Variants in GLRX2 observed in about 807,000 individuals in gnomAD.
GLRX2 encodes bA101E13.1 (GRX2 glutaredoxin (thioltransferase) 2).
GLRX2 carries 12 observed loss-of-function variants against 16.4 expected under a neutral mutation model. That is an observed-to-expected ratio of 0.73 (90% confidence interval 0.47 to 1.19). The LOEUF (loss-of-function observed/expected upper bound fraction) is 1.19. Ranked by LOEUF, GLRX2 falls within the 50% of genes most tolerant of loss-of-function variation. The probability of loss-of-function intolerance (pLI) is 0.00; values close to 1 mark genes in which losing one functional copy is unlikely to be tolerated. For missense variants in GLRX2, 201 were observed against 201.8 expected, an observed-to-expected ratio of 1.00 and a Z score of 0.02; for synonymous variants, 95 against 76.2, an observed-to-expected ratio of 1.25 and a Z score of -1.28.
At chr1:193,105,514 C>G (rs1474869312), upstream of GLRX2, 4 of 1,533,648 alleles carry the variant, frequency 2.6e-6, no homozygotes, top group Non-Finnish European at 3.5e-6. Context: ...CGCCGCCGGT[C>G]ACCTCCTCGC....
rs1039964795 is a variant in GLRX2 at position 193,101,043 on chromosome 1, T to A, written c.183+98A>T. 5.1e-6 allele frequency: 4 copies of A among 786,614 alleles called. No individual in the cohort carries two copies. The African/African-American group carries it at 5.2e-5, about 10-fold the overall frequency. The allele number at this position is 786,614 out of a possible 1,614,324, so 48.7% of individuals were successfully genotyped here. On this transcript the variant is annotated intron_variant, in intron 2 of 3. Transcript: ENST00000367439. ...TAATCTCTTAATTCATTTGCTAAAC[T>A]ATCTCAAGTTTGGATATTGAATAAG...
At chr1:193,099,654 G>A (rs977076713) in intron 2 of GLRX2, among the ~76,000 whole-genome samples, 1 of 151,954 alleles carries the variant, frequency 6.6e-6, no homozygotes, top group Admixed American at 6.6e-5. Context: ...CTTTTGTGGT[G>A]GATCATAAGC....
At chr1:193,101,908 T>TAA (rs879288292) in intron 1 of GLRX2, among the ~76,000 whole-genome samples, 5 of 145,800 alleles carry the variant, frequency 3.4e-5, no homozygotes, top group African/African-American at 1.0e-4. Flanking sequence ...AAATTATCAC[T>TAA]AAAAAAAAAA....
At chr1:193,104,356 G>C (rs1675140658) in intron 1 of GLRX2, among the ~76,000 whole-genome samples, 1 of 152,174 alleles carries the variant, frequency 6.6e-6, no homozygotes, top group African/African-American at 2.4e-5. Context: ...CCTACTGTGT[G>C]CTAAGTAGGC....
At chr1:193,104,436 T>A (rs10801174) in intron 1 of GLRX2, among the ~76,000 whole-genome samples, 92,791 of 152,064 alleles carry the variant, frequency 0.61, 29,035 homozygotes, top group South Asian at 0.77. Context: ...TGTCAAACAC[T>A]TAACAGCCTG....
chr1:193,103,992 A>G (rs1222865295), intron 1 of GLRX2, among the ~76,000 whole-genome samples: 1 of 152,198 alleles, frequency 6.6e-6, no homozygotes, highest in African/African-American at 2.4e-5. Context: ...CATTGGTGGA[A>G]TAAATCAGCA....
chr1:193,103,661 G>C (rs1322126261), intron 1 of GLRX2, among the ~76,000 whole-genome samples: 1 of 152,156 alleles, frequency 6.6e-6, no homozygotes, highest in Non-Finnish European at 1.5e-5. Flanking sequence ...AGCTCACCTA[G>C]AGTGAGGAAG....
At chr1:193,105,111 A>G in intron 1 of GLRX2, 153 bp downstream of exon 1, 2 of 821,694 alleles carry the variant, frequency 2.4e-6, no homozygotes. Flanking sequence ...CCATCCCTCG[A>G]GCGCCTCTGC....
rs201759474 is a variant in GLRX2, at chr1:193,105,354, C to G, written c.29G>C (p.Gly10Ala). 4.3e-4 allele frequency: 668 copies of G among 1,547,892 alleles called. 3 individuals are homozygous for G. The African/African-American group carries it at 8.2e-3, about 19-fold the overall frequency. MIWRRAALA[G>A]TRLVWSRSGS... The stretch of plus-strand genomic sequence containing the variant: ...GCTCCTGCTCCAAACCAGCCGCGTC[C>G]CCGCCAGCGCCGCGCGGCGCCAAAT... Residue 10 changes from glycine to alanine, a missense_variant, in exon 1 of 4, where the codon GGG (glycine) becomes GCG (alanine). Gly to Ala is a moderately conservative substitution (Grantham distance 60). Transcript: ENST00000367439.
chr1:193,105,184 C>T, intron 1 of GLRX2, 80 bp downstream of exon 1: 6 of 1,447,872 alleles, frequency 4.1e-6, no homozygotes, highest in South Asian at 1.4e-5. Context: ...GGCAAAGGGG[C>T]ACCTCCGCCC....
upstream of GLRX2, chr1:193,105,710 C>A: frequency 6.7e-7 from 1 of 1,491,284 alleles, no homozygotes; most frequent in South Asian, 1.3e-5. Flanking sequence ...GGAAGCAGTG[C>A]ATGAGGATGG....
chr1:193,105,534 C>G, upstream of GLRX2: 1 of 1,572,668 alleles, frequency 6.4e-7, no homozygotes, highest in Non-Finnish European at 8.6e-7. Flanking sequence ...CAGCTGAGCG[C>G]GTCCTCCCAG....
chr1:193,100,465 C>T (rs1219715997), intron 2 of GLRX2, among the ~76,000 whole-genome samples: 4 of 152,154 alleles, frequency 2.6e-5, no homozygotes, highest in South Asian at 2.1e-4. Flanking sequence ...CAGAGCGAGA[C>T]GCTGCCTCAA....
intron 1 of GLRX2, 111 bp downstream of exon 1, chr1:193,105,153 G>C (rs928928062): frequency 9.3e-6 from 13 of 1,398,506 alleles, no homozygotes; most frequent in African/African-American, 1.5e-5. Flanking sequence ...GCGCTAGTAC[G>C]CCTCGCCCAC....
rs1259486218 is a variant in GLRX2, at chr1:193,105,331, T to C, written c.52A>G (p.Ser18Gly). The C allele has an allele frequency of 6.5e-7, 1 of 1,547,328 alleles. No homozygotes were observed. Among genetic ancestry groups the C allele is most frequent in the Non-Finnish European group, 8.6e-7 (1 of 1,156,654 alleles). Residue 18 changes from serine to glycine, a missense_variant, in exon 1 of 4, where the codon AGC (serine) becomes GGC (glycine). Transcript: ENST00000367439. ...LAGTRLVWSR[S>G]GSAGWLDRAA... ...CTGTCAAGCCAGCCTGCCGAGCCGCTCCTGCTCCAAACCAGCCGCGTCCCC... is the reference window on the plus strand; with the variant it reads ...CTGTCAAGCCAGCCTGCCGAGCCGCCCCTGCTCCAAACCAGCCGCGTCCCC...
chr1:193,106,088 C>A (rs1029613124), upstream of GLRX2: 7 of 967,042 alleles, frequency 7.2e-6, no homozygotes, highest in Non-Finnish European at 6.2e-6. Context: ...ATTATTTAAG[C>A]CACTCAGTGG....
At position 193,097,767 on chromosome 1, in the gene GLRX2, TAAAAC is replaced by T. The variant is rs1674989583; in HGVS notation, c.184-12_184-8del. 1 of 1,557,662 alleles carries T rather than the reference TAAAAC, an allele frequency of 6.4e-7. No homozygotes were observed. The highest frequency in any genetic ancestry group is 1.2e-5 in the South Asian group (1 of 83,950). On this transcript the variant is annotated splice_region_variant and splice_polypyrimidine_tract_variant and intron_variant, in intron 2 of 3. Coordinates refer to ENST00000367439, the MANE Select transcript of GLRX2 (RefSeq NM_197962.3). Reference sequence around the variant, plus strand: ...AATTATCAGAAATTGTTTCCTGAAATAAAACCACAAAAAATCATTTTAATTCTAGA... The same window carrying T: ...AATTATCAGAAATTGTTTCCTGAAATCACAAAAAATCATTTTAATTCTAGA...
rs554055394 is a variant in GLRX2 at position 193,097,523 on chromosome 1, C to T, written c.360+61G>A. 249 of 1,319,764 alleles carry T rather than the reference C, an allele frequency of 1.9e-4. 1 individual carries two copies. Among genetic ancestry groups the T allele is most frequent in the Admixed American group, 8.1e-4 (31 of 38,404 alleles). 81.8% of individuals were successfully genotyped at this position (1,319,764 alleles called of 1,614,324 possible). On this transcript the variant is annotated intron_variant, in intron 3 of 3. Coordinates refer to ENST00000367439, the MANE Select transcript of GLRX2 (RefSeq NM_197962.3). Reference sequence around the variant, plus strand: ...CATTTTCCTAACACAAGGTTCTAGGCTCTGGGTGATCTAGTTTACAACCTA... The same window carrying T: ...CATTTTCCTAACACAAGGTTCTAGGTTCTGGGTGATCTAGTTTACAACCTA...
chr1:193,103,776 T>C (rs918018324), intron 1 of GLRX2, among the ~76,000 whole-genome samples: 9 of 152,150 alleles, frequency 5.9e-5, no homozygotes, highest in Admixed American at 3.3e-4. Flanking sequence ...CTATTATTCC[T>C]TGCTTCCTAA....
Sources: gnomAD v4.1 joint callset for allele counts (sites outside exome capture counted in the v4.1 genomes callset) on GRCh38, gnomAD v4.1.1 for gene constraint, MANE v1.5 for transcripts, NCBI Gene and HGNC (gene_info 2026-07-23, HGNC 2026-07-21) for gene names.